The following AGAP1 variants were observed in gnomAD, a reference collection of about 807,000 sequenced individuals.
The protein encoded by AGAP1 is arf-GAP with GTPase, ANK repeat and PH domain-containing protein 1.
A neutral mutation model predicts 105.3 loss-of-function variants in AGAP1; 29 were observed. The ratio of observed to expected loss-of-function variants is 0.28; its 90% CI spans 0.21 to 0.38. The LOEUF is 0.38. AGAP1 is among the 10% of genes least tolerant of loss of function. AGAP1 has a pLI of 1.00. For missense variants in AGAP1, 998 were observed against 1,165.1 expected, an observed-to-expected ratio of 0.86 and a Z score of 2.09; for synonymous variants, 509 against 485.9, an observed-to-expected ratio of 1.05 and a Z score of -0.63.
rs1355796623 is a variant in AGAP1, at chr2:235,578,126, G to A, written c.163+83277G>A. Among the ~76,000 whole-genome samples the A allele has an allele frequency of 6.6e-6, 1 of 152,164 alleles. No homozygotes were observed. Among genetic ancestry groups the A allele is most frequent in the Non-Finnish European group, 1.5e-5 (1 of 68,028 alleles). ...GACAAGAGTTCCAGGGCGAGCCTCA[G>A]TTCTGGGACCACCATTGACCAGTAG... is the stretch of plus-strand genomic sequence containing the variant. On this transcript the variant is annotated intron_variant, in intron 1 of 17. Transcript: ENST00000304032. This position sits in a 1 kb window ranked among gnomAD's most constrained non-coding sequence, Gnocchi z 4.9.
intron 9 of AGAP1, among the ~76,000 whole-genome samples, chr2:235,816,629 G>T (rs116052535): frequency 6.6e-6 from 1 of 151,924 alleles, no homozygotes; most frequent in Non-Finnish European, 1.5e-5. Flanking sequence ...GGTGGCTCAC[G>T]CCTGTCATGT....
At position 235,963,657 on chromosome 2, in the gene AGAP1, A is replaced by G. The variant is rs2054276274; in HGVS notation, c.1484-4805A>G. On this transcript the variant is annotated intron_variant, in intron 12 of 17. Coordinates refer to ENST00000304032, the MANE Select transcript of AGAP1 (RefSeq NM_001037131.3). The surrounding 1 kb of genome is among the most constrained non-coding windows in gnomAD (Gnocchi z 5.1). ...TCAGTGGTCACTCTTAGAATCTTCCAGGAGCGGATGGTGCATGTTAAGGTG... is the reference window on the plus strand; with the variant it reads ...TCAGTGGTCACTCTTAGAATCTTCCGGGAGCGGATGGTGCATGTTAAGGTG... Among the ~76,000 whole-genome samples the G allele has an allele frequency of 6.6e-6, 1 of 152,186 alleles. No homozygotes were observed. The highest frequency in any genetic ancestry group is 2.4e-5 in the African/African-American group (1 of 41,446).
chr2:235,525,055 A>T (rs1284812422), intron 1 of AGAP1, among the ~76,000 whole-genome samples: 1 of 152,234 alleles, frequency 6.6e-6, no homozygotes, highest in East Asian at 1.9e-4. Context: ...CGGTTAGTAC[A>T]TGAGGCAGGC....
intron 13 of AGAP1, among the ~76,000 whole-genome samples, chr2:235,968,968 C>T (rs2054525635): frequency 6.6e-6 from 1 of 152,174 alleles, no homozygotes; most frequent in Non-Finnish European, 1.5e-5. Context: ...GTGGGCCATG[C>T]TGCGTGACTC....
intron 12 of AGAP1, among the ~76,000 whole-genome samples, chr2:235,932,126 C>G (rs530062317): frequency 6.6e-6 from 1 of 152,242 alleles, no homozygotes; most frequent in South Asian, 2.1e-4. Context: ...TAACCGTCTA[C>G]AGTTTACTCT....
chr2:235,499,487 G>T (rs537892939), intron 1 of AGAP1, among the ~76,000 whole-genome samples: 1 of 152,304 alleles, frequency 6.6e-6, no homozygotes, highest in African/African-American at 2.4e-5. Context: ...ATGAAAGGTG[G>T]CAGGTTTGCA....
At chr2:235,707,846 C>G (rs913369158) in intron 1 of AGAP1, among the ~76,000 whole-genome samples, 1 of 150,476 alleles carries the variant, frequency 6.6e-6, no homozygotes, top group East Asian at 2.0e-4. Flanking sequence ...TATGCTCCCC[C>G]AGTGTGTGAC....
At position 235,961,852 on chromosome 2, in the gene AGAP1, A is replaced by C. The variant is rs1228329745; in HGVS notation, c.1484-6610A>C. Among the ~76,000 whole-genome samples, 7 of 152,224 alleles carry C rather than the reference A, an allele frequency of 4.6e-5. No homozygotes were observed. Among genetic ancestry groups the C allele is most frequent in the African/African-American group, 1.7e-4 (7 of 41,462 alleles). On this transcript the variant is annotated intron_variant, in intron 12 of 17. Transcript: ENST00000304032. The surrounding 1 kb of genome is among the most constrained non-coding windows in gnomAD (Gnocchi z 5.9). Reference sequence around the variant, plus strand: ...CCACTGCACTACAGCCTGGTGACAGAGCAAGACTTCGTCACACACACGCAC... The same window carrying C: ...CCACTGCACTACAGCCTGGTGACAGCGCAAGACTTCGTCACACACACGCAC...
At chr2:236,100,904 C>T (rs1157342180) in intron 16 of AGAP1, among the ~76,000 whole-genome samples, 1 of 151,736 alleles carries the variant, frequency 6.6e-6, no homozygotes, top group East Asian at 1.9e-4. Flanking sequence ...TCTCTGGAAA[C>T]GCCATCCAGT....
chr2:235,840,612 G>A (rs13412150), intron 9 of AGAP1, among the ~76,000 whole-genome samples: 8,099 of 152,184 alleles, frequency 0.053, 718 homozygotes, highest in African/African-American at 0.18. Context: ...GGAGGTGGTC[G>A]GTAGAGCAGC....
In AGAP1 at chr2:235,906,832, A is replaced by AC. The variant is rs1416223346; in HGVS notation, c.1156-1903dup. On this transcript the variant is annotated intron_variant, in intron 10 of 17. Transcript: ENST00000304032. This position sits in a 1 kb window ranked among gnomAD's most constrained non-coding sequence, Gnocchi z 5.3. ...TCAGCAAACATCTACTTGTTGATAA[A>AC]CCCGTGACTCCTTCACAAGTGTGGG... is the stretch of plus-strand genomic sequence containing the variant. 6.7e-6 allele frequency among the ~76,000 whole-genome samples: 1 copy of AC among 150,314 alleles called. No individual in the cohort carries two copies. The highest frequency in any genetic ancestry group is 1.5e-5 in the Non-Finnish European group (1 of 68,026).
chr2:235,683,094 G>C (rs1327699072), intron 1 of AGAP1, among the ~76,000 whole-genome samples: 1 of 152,074 alleles, frequency 6.6e-6, no homozygotes, highest in Non-Finnish European at 1.5e-5. Context: ...ATCACTTGAG[G>C]CCAGGAGTTC....
chr2:236,034,870 CCT>C (rs1345959434), intron 13 of AGAP1, among the ~76,000 whole-genome samples: 2 of 152,182 alleles, frequency 1.3e-5, no homozygotes, highest in Non-Finnish European at 2.9e-5. Context: ...GGCCATGGGC[CCT>C]CTCTGGCTGG....
intron 1 of AGAP1, among the ~76,000 whole-genome samples, chr2:235,520,900 C>T (rs1006559142): frequency 5.9e-5 from 9 of 152,176 alleles, no homozygotes; most frequent in Non-Finnish European, 1.0e-4. Context: ...ATCCCATCTT[C>T]TGCGTGTGGA....
intron 12 of AGAP1, among the ~76,000 whole-genome samples, chr2:235,938,061 T>C (rs1430162211): frequency 6.6e-6 from 1 of 152,266 alleles, no homozygotes; most frequent in Non-Finnish European, 1.5e-5. Context: ...CTCAGGGTGC[T>C]TTCCACACAG....
chr2:235,757,205 G>C (rs1027881234), intron 6 of AGAP1, among the ~76,000 whole-genome samples: 1 of 152,172 alleles, frequency 6.6e-6, no homozygotes, highest in Non-Finnish European at 1.5e-5. Flanking sequence ...TCTGCTTAAC[G>C]GTCTCCAGGG....
At chr2:236,013,656 AC>A (rs2125571744) in intron 13 of AGAP1, among the ~76,000 whole-genome samples, 1 of 152,170 alleles carries the variant, frequency 6.6e-6, no homozygotes, top group East Asian at 1.9e-4. Flanking sequence ...GGGAGCCTGC[AC>A]TGGTTTCTCT....
intron 1 of AGAP1, among the ~76,000 whole-genome samples, chr2:235,699,461 T>C (rs1035051776): frequency 2.6e-5 from 4 of 152,172 alleles, no homozygotes. Flanking sequence ...TTTTTTCCCC[T>C]GGAGTTCTGT....
intron 6 of AGAP1, among the ~76,000 whole-genome samples, chr2:235,774,867 C>T (rs1442907165): frequency 6.6e-6 from 1 of 152,178 alleles, no homozygotes; most frequent in Non-Finnish European, 1.5e-5. Flanking sequence ...CCTGCATTCA[C>T]TCGCCCATTC....
Sources: gnomAD v4.1 joint callset for allele counts (sites outside exome capture counted in the v4.1 genomes callset) on GRCh38, gnomAD v4.1.1 for gene constraint, Gnocchi (gnomAD v3.1) non-coding constraint, MANE v1.5 for transcripts, NCBI Gene and HGNC (gene_info 2026-07-23, HGNC 2026-07-21) for gene names.